The following CEP170B variants were observed in gnomAD, a reference collection of about 807,000 sequenced individuals.
The protein encoded by CEP170B is centrosomal protein 170B.
A neutral mutation model predicts 120.6 loss-of-function variants in CEP170B; 55 were observed. That is an observed-to-expected ratio of 0.46 (90% CI 0.37 to 0.57). CEP170B has a LOEUF of 0.57. Ranked by LOEUF, CEP170B falls within the 20% of genes least tolerant of loss-of-function variation. The pLI is 0.00. For missense variants in CEP170B, 2,212 were observed against 2,253.3 expected (o/e 0.98, Z 0.37); for synonymous variants, 1,033 against 954.5 (o/e 1.08, Z -1.52).
chr14:104,880,046 C>T (rs1243931161), intron 5 of CEP170B, among the ~76,000 whole-genome samples: 1 of 152,146 alleles, frequency 6.6e-6, no homozygotes, highest in Admixed American at 6.5e-5. Flanking sequence ...CTGTCCTGCC[C>T]CACCCAAGCA....
At position 104,886,807 on chromosome 14, in the gene CEP170B, C is replaced by G. The variant is rs780151710; in HGVS notation, c.2568C>G (p.Pro856=). The change falls in exon 12 of 19, where the codon CCC becomes CCG. Residue 856 remains proline (P), a synonymous_variant. Transcript: ENST00000414716. ...TACGGCCTGGACGGTCCCCAGAACC[C>G]GACGGCCCTGCCCCAGCCTTTCTCC... ...IQLRPGRSPE[P]DGPAPAFLRQ... 16 of 1,611,284 alleles carry G rather than the reference C, an allele frequency of 9.9e-6. No individual in the cohort carries two copies. Among genetic ancestry groups the G allele is most frequent in the Non-Finnish European group, 8.5e-7 (1 of 1,179,818 alleles).
chr14:104,885,540 C>G lies in CEP170B; in HGVS notation c.1942C>G (p.Gln648Glu). ...PLGAAPQAEHQGLPVPGSPGG... is the reference protein window; with the variant it reads ...PLGAAPQAEHEGLPVPGSPGG... ...GGGTGCGGCCCCCCAGGCGGAGCAC[C>G]AGGTACAGGCACAGACGGCCACCCC... The change falls in exon 10 of 19, where the codon CAG (glutamine) becomes GAG (glutamate). Residue 648 changes from glutamine to glutamate, a missense_variant and splice_region_variant. By Grantham distance (29) the Gln-to-Glu change is conservative (BLOSUM62 2). Coordinates refer to ENST00000414716, the MANE Select transcript of CEP170B (RefSeq NM_001112726.3). The G allele has an allele frequency of 6.4e-7, 1 of 1,559,712 alleles. No individual in the cohort carries two copies. Among genetic ancestry groups the G allele is most frequent in the Non-Finnish European group, 8.6e-7 (1 of 1,157,830 alleles).
intron 3 of CEP170B, among the ~76,000 whole-genome samples, chr14:104,876,580 C>G (rs1041727113): frequency 2.0e-5 from 3 of 152,040 alleles, no homozygotes; most frequent in Non-Finnish European, 4.4e-5. Flanking sequence ...CCTGGCCCCT[C>G]CCCCAGCCCT....
At chr14:104,889,962 ATGGATAGGAGG>A (rs2140735396) in intron 13 of CEP170B, among the ~76,000 whole-genome samples, 1 of 28,944 alleles carries the variant, frequency 3.5e-5, no homozygotes, top group South Asian at 1.8e-3. Context: ...GAATGGATGG[ATGGATAGGAGG>A]GTGGGTGGGT....
intron 2 of CEP170B, among the ~76,000 whole-genome samples, chr14:104,872,408 T>C: frequency 1.5e-5 from 1 of 67,564 alleles, no homozygotes; most frequent in Non-Finnish European, 3.5e-5. Context: ...TGTGCGTGGG[T>C]GTGCCGTGGG....
intron 2 of CEP170B, among the ~76,000 whole-genome samples, chr14:104,869,173 C>T (rs1333269763): frequency 1.3e-5 from 2 of 152,196 alleles, no homozygotes; most frequent in African/African-American, 2.4e-5. Context: ...TGTTTGAGAA[C>T]AAAGAGCAGG....
In CEP170B at chr14:104,867,118, C is replaced by T. The variant is rs1237255608; in HGVS notation, c.-27-1306C>T. Among the ~76,000 whole-genome samples, 1 of 152,178 alleles carries T rather than the reference C, an allele frequency of 6.6e-6. No homozygotes were observed. The highest frequency in any genetic ancestry group is 1.9e-4 in the East Asian group (1 of 5,194). On this transcript the variant is annotated intron_variant, in intron 1 of 18. Transcript: ENST00000414716. This position sits in a 1 kb window ranked among gnomAD's most constrained non-coding sequence, Gnocchi z 5.4. ...AAGGGTACCGCGTTTTCTTTTTGTG[C>T]TGGGCCCTGCAGTGATGGAGCCAGT...
rs1896985954 is a variant in CEP170B, at chr14:104,894,319, G to T, written c.4306G>T (p.Asp1436Tyr). 1 of 1,613,504 alleles carries T rather than the reference G, an allele frequency of 6.2e-7. No individual in the cohort carries two copies. The highest frequency in any genetic ancestry group is 1.3e-5 in the African/African-American group (1 of 74,930). The change falls in exon 17 of 19, where the codon GAC becomes TAC. Residue 1436 changes from aspartate (D) to tyrosine (Y), a missense_variant. Coordinates refer to ENST00000414716, the MANE Select transcript of CEP170B (RefSeq NM_001112726.3). ...TCAGAACACAGGGAGAGCTTGGGAG[G>T]ACCTGGAAGCCAGGATCAACGCCGA... ...LFQNTGRAWE[D>Y]LEARINAENE...
intron 13 of CEP170B, 104 bp from the exon 14 acceptor site, chr14:104,892,871 TG>T: frequency 1.5e-6 from 2 of 1,305,856 alleles, no homozygotes; most frequent in South Asian, 1.3e-5. Context: ...GCCCCACCTC[TG>T]GCCAGCAGCT....
In CEP170B at chr14:104,872,691, G is replaced by A. The variant is rs61995993; in HGVS notation, c.106-3565G>A. Among the ~76,000 whole-genome samples, 636 of 152,190 alleles carry A rather than the reference G, an allele frequency of 4.2e-3. 2 individuals are homozygous for A. The highest frequency in any genetic ancestry group is 0.017 in the Middle Eastern group (5 of 294). ...GGCAGGCCCTGACCTTCTGTGCCCC[G>A]TGCATCGAGCCGGTCTGCTGCGGGT... On this transcript the variant is annotated intron_variant, in intron 2 of 18. Transcript: ENST00000414716.
chr14:104,887,612 C>T lies in CEP170B; in HGVS notation c.3373C>T (p.Arg1125Trp), dbSNP rs1298683934. 4.7e-5 allele frequency: 74 copies of T among 1,578,708 alleles called. No homozygotes were observed. Among genetic ancestry groups the T allele is most frequent in the Non-Finnish European group, 5.5e-5 (64 of 1,164,058 alleles). Residue 1125 changes from arginine (R) to tryptophan (W), a missense_variant, in exon 12 of 19, where the codon CGG (arginine) becomes TGG (tryptophan). Arg to Trp is a moderately radical substitution (Grantham distance 101). Around this residue, in one of 2 missense-constraint regions of CEP170B, gnomAD observed 2,166 missense variants for 2,166.7 expected, o/e 1.00. Coordinates refer to ENST00000414716, the MANE Select transcript of CEP170B (RefSeq NM_001112726.3). ...CACCCCTCGCCCCACACGGGCCTCC[C>T]GGCTGAGGCGGGCCCGGCTGGGGGA... ...LSTPRPTRAS[R>W]LRRARLGDAS...
intron 13 of CEP170B, among the ~76,000 whole-genome samples, chr14:104,889,963 TGGATAGGA>T: frequency 3.0e-5 from 1 of 33,038 alleles, no homozygotes; most frequent in Non-Finnish European, 7.3e-5. Context: ...AATGGATGGA[TGGATAGGA>T]GGGTGGGTGG....
intron 12 of CEP170B, among the ~76,000 whole-genome samples, chr14:104,888,818 G>T (rs573091282): frequency 6.6e-6 from 1 of 152,246 alleles, no homozygotes; most frequent in South Asian, 2.1e-4. Context: ...CAGGCCTTGC[G>T]TATGGCTGGA....
intron 8 of CEP170B, 39 bp from the exon 9 acceptor site, chr14:104,883,792 C>T: frequency 6.7e-7 from 1 of 1,485,458 alleles, no homozygotes; most frequent in South Asian, 1.3e-5. Context: ...TGTTTCCTTT[C>T]TCTCGGCCTG....
chr14:104,895,226 G>A lies in CEP170B; in HGVS notation c.*268G>A, dbSNP rs1373627240. On this transcript the variant is annotated 3_prime_UTR_variant, in exon 19 of 19. Coordinates refer to ENST00000414716, the MANE Select transcript of CEP170B (RefSeq NM_001112726.3). Reference sequence around the variant, plus strand: ...AGCTCCTGGCCAGGCTGCTGCCAAGGTCAAGCCCTCAAGGGCATTACCCCG... The same window carrying A: ...AGCTCCTGGCCAGGCTGCTGCCAAGATCAAGCCCTCAAGGGCATTACCCCG... 2 of 458,176 alleles carry A rather than the reference G, an allele frequency of 4.4e-6. No individual in the cohort carries two copies. The highest frequency in any genetic ancestry group is 7.7e-6 in the Non-Finnish European group (2 of 261,264). 28.4% of individuals were successfully genotyped at this position (458,176 alleles called of 1,614,324 possible). A position where few individuals can be genotyped will look rare whatever the true frequency, so the allele number is the denominator to read the frequency against.
At chr14:104,888,058 T>C in intron 12 of CEP170B, 80 bp downstream of exon 12, 1 of 1,377,372 alleles carries the variant, frequency 7.3e-7, no homozygotes, top group Non-Finnish European at 9.5e-7. Flanking sequence ...GCCAGCTGAG[T>C]GCTGGCCGTG....
At chr14:104,881,699 TGG>T (rs1397237463) in intron 6 of CEP170B, among the ~76,000 whole-genome samples, 1 of 152,148 alleles carries the variant, frequency 6.6e-6, no homozygotes, top group Non-Finnish European at 1.5e-5. Flanking sequence ...CAGCACATTG[TGG>T]GGACCAAGGA....
In CEP170B at chr14:104,886,498, G is replaced by C. The variant is rs750402542; in HGVS notation, c.2259G>C (p.Ser753=). 8 of 1,512,918 alleles carry C rather than the reference G, an allele frequency of 5.3e-6. No individual in the cohort carries two copies. In the Admixed American group the frequency reaches 1.6e-4, roughly 30 times the overall value. 93.7% of individuals were successfully genotyped at this position (1,512,918 alleles called of 1,614,324 possible). A position where few individuals can be genotyped will look rare whatever the true frequency, so the allele number is the denominator to read the frequency against. The change falls in exon 12 of 19, where the codon TCG becomes TCC. Residue 753 remains serine, a synonymous_variant. Coordinates refer to ENST00000414716, the MANE Select transcript of CEP170B (RefSeq NM_001112726.3). ...DPDSLSDASG[S]DGGRGPEPGV... is the part of the protein sequence containing the mutation. ...ACAGCCTCAGCGATGCCAGTGGGTC[G>C]GACGGGGGCCGAGGCCCCGAGCCAG...
rs1442088137 is a variant in CEP170B at position 104,887,447 on chromosome 14, G to A, written c.3208G>A (p.Ala1070Thr). The change falls in exon 12 of 19, where the codon GCC (alanine) becomes ACC (threonine). Residue 1070 changes from alanine (A) to threonine (T), a missense_variant. Ala to Thr is a moderately conservative substitution (Grantham distance 58). Transcript: ENST00000414716. The part of the protein sequence containing the change: ...VMASNHETPE[A>T]TGAGRLGSRR... ...GGCCTCCAACCACGAAACCCCTGAGGCCACCGGGGCAGGACGGCTAGGTTC... is the reference window on the plus strand; with the variant it reads ...GGCCTCCAACCACGAAACCCCTGAGACCACCGGGGCAGGACGGCTAGGTTC... 6.2e-7 allele frequency: 1 copy of A among 1,611,462 alleles called. No individual in the cohort carries two copies. The highest frequency in any genetic ancestry group is 8.5e-7 in the Non-Finnish European group (1 of 1,179,332).
Sources: gnomAD v4.1 joint callset for allele counts (sites outside exome capture counted in the v4.1 genomes callset) on GRCh38, gnomAD v4.1.1 for gene constraint, gnomAD v4.1.1 regional missense constraint, Gnocchi (gnomAD v3.1) non-coding constraint, MANE v1.5 for transcripts, NCBI Gene and HGNC (gene_info 2026-07-23, HGNC 2026-07-21) for gene names.